Variants in DNAH3 observed in about 807,000 individuals in gnomAD.
DNAH3 encodes the protein axonemal beta dynein heavy chain 3.
A neutral mutation model predicts 432.5 loss-of-function variants in DNAH3; 332 were observed. That is an observed-to-expected ratio of 0.77 (90% confidence interval 0.70 to 0.84). DNAH3 has a LOEUF of 0.84. DNAH3 is among the 40% of genes least tolerant of loss of function. The pLI is 0.00. For synonymous variants in DNAH3, 1,956 were observed against 1,900.2 expected, an observed-to-expected ratio of 1.03 and a Z score of -0.76; for missense variants, 4,861 against 5,114.0, an observed-to-expected ratio of 0.95 and a Z score of 1.51.
In DNAH3 at chr16:20,954,979, G is replaced by T. The variant is rs546187578; in HGVS notation, c.10905C>A (p.Pro3635=). The T allele has an allele frequency of 4.3e-6, 7 of 1,614,122 alleles. No individual in the cohort carries two copies. In the Admixed American group the frequency reaches 1.2e-4, roughly 27 times the overall value. ...ACAGGTTGGCCCGGAGCCCTTTGGGGGGCTCATTGGTCATTTTGATTCCAT... is the reference window on the plus strand; with the variant it reads ...ACAGGTTGGCCCGGAGCCCTTTGGGTGGCTCATTGGTCATTTTGATTCCAT... The change falls in exon 55 of 62, where the codon CCC becomes CCA. Residue 3635 remains proline, a synonymous_variant. Transcript: ENST00000261383.
intron 37 of DNAH3, among the ~76,000 whole-genome samples, chr16:21,028,450 C>G: frequency 6.7e-6 from 1 of 148,242 alleles, no homozygotes; most frequent in Admixed American, 6.8e-5. Flanking sequence ...CACTTGAGGT[C>G]AGGAGTTGGA....
At chr16:20,987,527 G>A in intron 46 of DNAH3, 79 bp from the exon 47 acceptor site, 2 of 1,579,064 alleles carry the variant, frequency 1.3e-6, no homozygotes, top group Non-Finnish European at 1.7e-6. Context: ...GGTAAGTCCT[G>A]GGGTTGATTT....
At chr16:21,122,316 A>G (rs1264523108) in intron 9 of DNAH3, among the ~76,000 whole-genome samples, 192 bp from the exon 11 acceptor site, 1 of 152,124 alleles carries the variant, frequency 6.6e-6, no homozygotes, top group East Asian at 1.9e-4. Flanking sequence ...GCACTTTGGG[A>G]GGCCGAGACA....
chr16:21,091,061 G>C (rs1013564141), intron 18 of DNAH3, among the ~76,000 whole-genome samples: 1 of 152,084 alleles, frequency 6.6e-6, no homozygotes, highest in African/African-American at 2.4e-5. Flanking sequence ...GTTGAGGTGG[G>C]AGGATCACTT....
At chr16:21,127,867 C>A (rs2092474375) in intron 7 of DNAH3, 55 bp from the exon 9 acceptor site, 2 of 1,605,482 alleles carry the variant, frequency 1.2e-6, no homozygotes, top group South Asian at 2.2e-5. Flanking sequence ...ATAACAAATC[C>A]CGCAGGACAG....
chr16:21,095,312 T>C (rs2091644930), intron 18 of DNAH3, among the ~76,000 whole-genome samples: 1 of 152,068 alleles, frequency 6.6e-6, no homozygotes. Flanking sequence ...GTGAAAACAG[T>C]GGGTAAATGG....
In DNAH3 at chr16:21,134,424, C is replaced by G. The variant is rs777055172; in HGVS notation, c.917G>C (p.Arg306Thr). 3.1e-6 allele frequency: 5 copies of G among 1,613,988 alleles called. No homozygotes were observed. Among genetic ancestry groups the G allele is most frequent in the African/African-American group, 1.3e-5 (1 of 74,932 alleles). ...GATGCTCTCAATAAAGAGCCGTTTT[C>G]TCTCCATTGGGTCCATGAGGATGTA... Residue 306 changes from arginine to threonine, a missense_variant, in exon 7 of 62, where the codon AGA becomes ACA. Coordinates refer to ENST00000261383, the Ensembl canonical transcript of DNAH3.
intron 1 of DNAH3, among the ~76,000 whole-genome samples, chr16:21,146,423 G>T (rs1027010292): frequency 1.3e-5 from 2 of 152,136 alleles, no homozygotes; most frequent in Non-Finnish European, 2.9e-5. Flanking sequence ...AGGCATGGTG[G>T]CGTGTGCCTG....
chr16:21,044,189 G>GT (rs1567690581), intron 31 of DNAH3, among the ~76,000 whole-genome samples: 3 of 113,530 alleles, frequency 2.6e-5, no homozygotes, highest in African/African-American at 1.0e-4. Context: ...CTTTAAAGTA[G>GT]TTTTTTCCAA....
At chr16:21,127,407 A>T (rs1166873429) in intron 8 of DNAH3, among the ~76,000 whole-genome samples, 1 of 151,974 alleles carries the variant, frequency 6.6e-6, no homozygotes, top group African/African-American at 2.4e-5. Flanking sequence ...AAAAAAAAAA[A>T]AAAAATAGCC....
At chr16:21,148,400 A>T (rs2092812686) in intron 1 of DNAH3, among the ~76,000 whole-genome samples, 1 of 152,000 alleles carries the variant, frequency 6.6e-6, no homozygotes, top group South Asian at 2.1e-4. Flanking sequence ...GGCCGGCTTG[A>T]CTTCTAAGTC....
At chr16:21,078,927 C>T (rs1375034405) in intron 20 of DNAH3, among the ~76,000 whole-genome samples, 1 of 152,186 alleles carries the variant, frequency 6.6e-6, no homozygotes, top group African/African-American at 2.4e-5. Flanking sequence ...GGTGACATGC[C>T]TTTTCTCCTA....
At chr16:20,971,639 G>T (rs2085346944) in intron 51 of DNAH3, among the ~76,000 whole-genome samples, 1 of 152,192 alleles carries the variant, frequency 6.6e-6, no homozygotes, top group Non-Finnish European at 1.5e-5. Flanking sequence ...TTATTGCCTG[G>T]GAGTGGGTGT....
At chr16:20,939,266 C>T (rs557595490) in intron 59 of DNAH3, among the ~76,000 whole-genome samples, 15 of 152,326 alleles carry the variant, frequency 9.8e-5, no homozygotes, top group African/African-American at 3.1e-4. Context: ...CCTAGGCTCA[C>T]ACCCCATACC....
intron 41 of DNAH3, among the ~76,000 whole-genome samples, chr16:21,008,023 C>A (rs574659555): frequency 6.6e-6 from 1 of 152,306 alleles, no homozygotes; most frequent in Admixed American, 6.5e-5. Flanking sequence ...CAAGAGTTTT[C>A]TTTCTGGACT....
At chr16:20,941,624 A>G (rs2083813682) in intron 58 of DNAH3, 81 bp from the exon 59 acceptor site, 1 of 1,522,336 alleles carries the variant, frequency 6.6e-7, no homozygotes, top group Non-Finnish European at 8.9e-7. Context: ...AGTACTGAGC[A>G]TCTGACTTTT....
intron 23 of DNAH3, among the ~76,000 whole-genome samples, chr16:21,067,757 T>TGGGGGGGGGGGGGGGGGGG (rs35833656): frequency 3.4e-5 from 1 of 29,804 alleles, no homozygotes; most frequent in African/African-American, 1.7e-4. Context: ...AAGCCAGTCT[T>TGGGGGGGGGGGGGGGGGGG]GGGGGGGGGG....
chr16:20,965,914 TGTTGACCAGGCTG>T (rs1354746518), intron 52 of DNAH3, among the ~76,000 whole-genome samples: 3 of 151,188 alleles, frequency 2.0e-5, no homozygotes, highest in Non-Finnish European at 4.4e-5. Context: ...GGTTTTACCA[TGTTGACCAGGCTG>T]GTCTTAAACT....
chr16:20,948,527 C>T lies in DNAH3; in HGVS notation c.11299G>A (p.Ala3767Thr), dbSNP rs747868325. 2.1e-5 allele frequency: 34 copies of T among 1,613,784 alleles called. No individual in the cohort carries two copies. The highest frequency in any genetic ancestry group is 2.5e-5 in the Non-Finnish European group (30 of 1,179,980). The change falls in exon 57 of 62, where the codon GCT becomes ACT. Residue 3767 changes from alanine (A) to threonine (T), a missense_variant. Transcript: ENST00000261383. Reference sequence around the variant, plus strand: ...GGGATGTAGTAAGTGTCTCCAGGAGCGAGGGAGTAATAGTCCTCCTCAATT... The same window carrying T: ...GGGATGTAGTAAGTGTCTCCAGGAGTGAGGGAGTAATAGTCCTCCTCAATT...
Sources: gnomAD v4.1 joint callset for allele counts (sites outside exome capture counted in the v4.1 genomes callset) on GRCh38, gnomAD v4.1.1 for gene constraint, MANE v1.5 for transcripts, NCBI Gene and HGNC (gene_info 2026-07-23, HGNC 2026-07-21) for gene names.